The following UQCRH variants were observed in gnomAD, a reference collection of about 807,000 sequenced individuals.
The protein encoded by UQCRH is ubiquinol-cytochrome c reductase hinge protein.
In UQCRH, 14 loss-of-function variants were observed where a neutral mutation model predicts 16.3. The ratio of observed to expected loss-of-function variants is 0.86; its 90% CI spans 0.57 to 1.34. The LOEUF is 1.34. Ranked by LOEUF, UQCRH falls within the 40% of genes most tolerant of loss-of-function variation. UQCRH has a pLI of 0.00. For missense variants in UQCRH, 89 were observed against 111.9 expected, an observed-to-expected ratio of 0.80 and a Z score of 0.92; for synonymous variants, 41 against 41.9, an observed-to-expected ratio of 0.98 and a Z score of 0.08.
At chr1:46,307,561 T>C (rs1321509559) in intron 1 of UQCRH, among the ~76,000 whole-genome samples, 1 of 152,180 alleles carries the variant, frequency 6.6e-6, no homozygotes, top group Admixed American at 6.5e-5. Context: ...TTTTACTATA[T>C]CCCAAATTTA....
intron 3 of UQCRH, among the ~76,000 whole-genome samples, chr1:46,315,647 A>AATTTTATGTT (rs1291097636): frequency 5.3e-5 from 8 of 152,020 alleles, no homozygotes; most frequent in Non-Finnish European, 1.2e-4. Flanking sequence ...TGAAGTGGAA[A>AATTTTATGTT]ATTTTATGTT....
At position 46,310,155 on chromosome 1, in the gene UQCRH, G is replaced by A. The variant is rs1351301019; in HGVS notation, c.82G>A (p.Asp28Asn). 1 of 1,614,146 alleles carries A rather than the reference G, an allele frequency of 6.2e-7. No individual in the cohort carries two copies. Among genetic ancestry groups the A allele is most frequent in the East Asian group, 2.2e-5 (1 of 44,886 alleles). ...EEEEEEEELV[D>N]PLTTVREQCE... ...TGTTTTTTTTCTGTTTCTACATCAGGATCCCCTAACAACAGTGAGAGAGCA... is the reference window on the plus strand; with the variant it reads ...TGTTTTTTTTCTGTTTCTACATCAGAATCCCCTAACAACAGTGAGAGAGCA... Residue 28 changes from aspartate (D) to asparagine (N), a missense_variant and splice_region_variant, in exon 3 of 4, where the codon GAT becomes AAT. Coordinates refer to ENST00000311672, the MANE Select transcript of UQCRH (RefSeq NM_006004.4).
chr1:46,316,736 C>T lies in UQCRH; in HGVS notation c.*152C>T, dbSNP rs1415812599. 1.3e-5 allele frequency: 14 copies of T among 1,051,488 alleles called. No individual in the cohort carries two copies. Among genetic ancestry groups the T allele is most frequent in the East Asian group, 5.8e-5 (2 of 34,374 alleles). 65.1% of individuals were successfully genotyped at this position (1,051,488 alleles called of 1,614,324 possible). A position where few individuals can be genotyped will look rare whatever the true frequency, so the allele number is the denominator to read the frequency against. ...TTAGGCTGGTAGCTTCTATGTAATT[C>T]GCAATGATTCCATCTAAATAAAAGT... On this transcript the variant is annotated 3_prime_UTR_variant, in exon 4 of 4. Transcript: ENST00000311672.
intron 3 of UQCRH, among the ~76,000 whole-genome samples, chr1:46,315,774 T>C (rs1294674202): frequency 6.6e-6 from 1 of 152,032 alleles, no homozygotes; most frequent in Non-Finnish European, 1.5e-5. Flanking sequence ...GTAAAAAATA[T>C]CGTATGATAT....
rs1661593471 is a variant in UQCRH at position 46,316,627 on chromosome 1, C to G, written c.*43C>G. On this transcript the variant is annotated 3_prime_UTR_variant, in exon 4 of 4. Transcript: ENST00000311672. ...ACCCCAGTCTTCATCATCTGGGCAT[C>G]AGAATATTTCCTTATGGTTTTGGAT... is the stretch of plus-strand genomic sequence containing the variant. The G allele has an allele frequency of 6.2e-6, 10 of 1,609,058 alleles. No homozygotes were observed. The highest frequency in any genetic ancestry group is 8.5e-6 in the Non-Finnish European group (10 of 1,178,766).
chr1:46,313,356 C>T (rs1661516305), intron 3 of UQCRH, among the ~76,000 whole-genome samples: 1 of 151,870 alleles, frequency 6.6e-6, no homozygotes, highest in South Asian at 2.1e-4. Context: ...AAGCCGGGCG[C>T]GGTGGCTCAC....
At chr1:46,314,067 A>G (rs531690661) in intron 3 of UQCRH, among the ~76,000 whole-genome samples, 10 of 152,302 alleles carry the variant, frequency 6.6e-5, no homozygotes, top group African/African-American at 2.2e-4. Context: ...ATGGGATATT[A>G]TTCAGCCTTA....
At chr1:46,306,717 GA>G (rs1362645245) in intron 1 of UQCRH, among the ~76,000 whole-genome samples, 1 of 152,140 alleles carries the variant, frequency 6.6e-6, no homozygotes, top group Non-Finnish European at 1.5e-5. Context: ...CCTTGTTAAT[GA>G]AAAACTAGAA....
At chr1:46,309,006 GTGTCAGTGTCTA>G in intron 1 of UQCRH, 83 bp from the exon 2 acceptor site, 1 of 1,353,386 alleles carries the variant, frequency 7.4e-7, no homozygotes, top group Non-Finnish European at 1.0e-6. Flanking sequence ...ATCGTTAATA[GTGTCAGTGTCTA>G]TCGTCAGTAA....
At chr1:46,316,410 C>A in intron 3 of UQCRH, 142 bp from the exon 4 acceptor site, 1 of 1,049,518 alleles carries the variant, frequency 9.5e-7, no homozygotes, top group South Asian at 1.4e-5. Context: ...GTGGGGAGTT[C>A]ACTAGGACTC....
intron 1 of UQCRH, among the ~76,000 whole-genome samples, chr1:46,305,468 T>TGGGAGGCCGAGGCGGGTGGATC (rs367814751): frequency 4.1e-5 from 6 of 147,596 alleles, no homozygotes; most frequent in African/African-American, 1.0e-4. Flanking sequence ...CCCAGCACTT[T>TGGGAGGCCGAGGCGGGTGGATC]GGGAGGCCGA....
chr1:46,304,420 C>T (rs927820016), intron 1 of UQCRH, among the ~76,000 whole-genome samples: 13 of 149,580 alleles, frequency 8.7e-5, no homozygotes, highest in African/African-American at 3.0e-4. Flanking sequence ...GAATCTCGCT[C>T]TGTCGCCCAG....
chr1:46,310,823 T>G (rs1661455863), intron 3 of UQCRH, among the ~76,000 whole-genome samples: 2 of 151,838 alleles, frequency 1.3e-5, no homozygotes, highest in African/African-American at 4.8e-5. Context: ...ATCCCAGCAC[T>G]TTGGGAGGCC....
chr1:46,315,293 A>T (rs1474028012), intron 3 of UQCRH, among the ~76,000 whole-genome samples: 1 of 152,104 alleles, frequency 6.6e-6, no homozygotes, highest in Non-Finnish European at 1.5e-5. Context: ...AAAAATACAA[A>T]ATTAGCCGGG....
chr1:46,311,086 A>AC (rs1257935866), intron 3 of UQCRH, among the ~76,000 whole-genome samples: 1 of 151,018 alleles, frequency 6.6e-6, no homozygotes, highest in East Asian at 2.0e-4. Context: ...AAAAAAAAAA[A>AC]AAATAATAAT....
intron 3 of UQCRH, among the ~76,000 whole-genome samples, chr1:46,314,496 CCCCGTCTCT>C (rs1661542254): frequency 6.6e-6 from 1 of 151,626 alleles, no homozygotes; most frequent in Non-Finnish European, 1.5e-5. Flanking sequence ...TATGATGAAA[CCCCGTCTCT>C]ACTAAAAACA....
chr1:46,309,694 T>C (rs1661433476), intron 2 of UQCRH: 2 of 235,198 alleles, frequency 8.5e-6, no homozygotes, highest in Admixed American at 5.5e-5. Context: ...AAAAGAACTC[T>C]GAAGGAACCT....
intron 3 of UQCRH, among the ~76,000 whole-genome samples, chr1:46,313,444 T>C (rs996291392): frequency 6.6e-6 from 1 of 151,880 alleles, no homozygotes; most frequent in Non-Finnish European, 1.5e-5. Flanking sequence ...CTGGCCAATA[T>C]GGTGAAACCC....
At chr1:46,316,468 G>A in intron 3 of UQCRH, 84 bp from the exon 4 acceptor site, 6 of 1,583,070 alleles carry the variant, frequency 3.8e-6, no homozygotes, top group Non-Finnish European at 4.3e-6. Flanking sequence ...AAGAGGGGCA[G>A]TACTGTTTCA....
Sources: allele counts gnomAD v4.1 joint callset (sites outside exome capture counted in the v4.1 genomes callset), GRCh38; gene constraint gnomAD v4.1.1; transcripts MANE v1.5; gene names NCBI Gene and HGNC (gene_info 2026-07-23, HGNC 2026-07-21).